RAPGEF6: variants seen among roughly 807,000 people sequenced by gnomAD.
RAPGEF6 encodes PDZ domain containing guanine nucleotide exchange factor (GEF) 2.
In RAPGEF6, 56 loss-of-function variants were observed where a neutral mutation model predicts 171.4. The observed-to-expected ratio is 0.33, with a 90% CI of 0.26 to 0.41. The LOEUF is 0.41. RAPGEF6 is among the 10% of genes least tolerant of loss of function. The pLI is 1.00. For missense variants in RAPGEF6, 1,674 were observed against 1,921.4 expected, an observed-to-expected ratio of 0.87 and a Z score of 2.41; for synonymous variants, 692 against 650.1, an observed-to-expected ratio of 1.06 and a Z score of -0.98.
chr5:131,472,462 G>T, intron 17 of RAPGEF6, 125 bp downstream of exon 17: 1 of 1,091,184 alleles, frequency 9.2e-7, no homozygotes, highest in Non-Finnish European at 1.4e-6. Context: ...TTAGTTTTTT[G>T]CATCAAGTCA....
chr5:131,576,191 T>C (rs902730035), intron 4 of RAPGEF6, among the ~76,000 whole-genome samples: 2 of 152,172 alleles, frequency 1.3e-5, no homozygotes, highest in African/African-American at 4.8e-5. Flanking sequence ...CTCTTTCCTG[T>C]TCCTAATCCA....
chr5:131,605,585 T>C (rs1382647491), intron 1 of RAPGEF6, among the ~76,000 whole-genome samples: 1 of 152,222 alleles, frequency 6.6e-6, no homozygotes, highest in Non-Finnish European at 1.5e-5. Flanking sequence ...AATGCCTTTA[T>C]ACCAGGGCAA....
intron 7 of RAPGEF6, among the ~76,000 whole-genome samples, chr5:131,519,617 G>C (rs1046846746): frequency 7.9e-5 from 12 of 152,112 alleles, no homozygotes; most frequent in Non-Finnish European, 1.3e-4. Flanking sequence ...GGTCATGCTG[G>C]TCTTGAACTC....
chr5:131,530,000 C>T (rs1580978771), intron 6 of RAPGEF6, among the ~76,000 whole-genome samples: 1 of 150,100 alleles, frequency 6.7e-6, no homozygotes, highest in Admixed American at 6.6e-5. Flanking sequence ...CTCTGCCTCC[C>T]GGATTCAAGC....
At chr5:131,574,226 TG>T (rs1762468568) in intron 4 of RAPGEF6, among the ~76,000 whole-genome samples, 3 of 152,184 alleles carry the variant, frequency 2.0e-5, no homozygotes, top group Admixed American at 2.0e-4. Flanking sequence ...GGGACCCCAC[TG>T]GAAGTCAGAT....
intron 9 of RAPGEF6, 81 bp downstream of exon 9, chr5:131,507,990 A>G (rs1757475026): frequency 7.8e-7 from 1 of 1,282,726 alleles, no homozygotes; most frequent in African/African-American, 1.5e-5. Flanking sequence ...GTACTCAAAA[A>G]TCAGGACAAA....
At chr5:131,435,440 A>G (rs1751954878) in intron 24 of RAPGEF6, among the ~76,000 whole-genome samples, 1 of 152,228 alleles carries the variant, frequency 6.6e-6, no homozygotes, top group Non-Finnish European at 1.5e-5. Flanking sequence ...ATCTTGCTTC[A>G]TTGTTTAAAA....
At chr5:131,523,793 A>AAAAC (rs138307131) in intron 6 of RAPGEF6, among the ~76,000 whole-genome samples, 116,676 of 150,884 alleles carry the variant, frequency 0.77, 45,426 homozygotes, top group Middle Eastern at 0.82. Flanking sequence ...GCAAGATAAA[A>AAAAC]AAACAAACAA....
At chr5:131,446,431 T>C in intron 22 of RAPGEF6, 52 bp downstream of exon 22, 2 of 1,496,466 alleles carry the variant, frequency 1.3e-6, no homozygotes, top group Non-Finnish European at 9.1e-7. Flanking sequence ...GAGAAATAAG[T>C]TTTTATTTTG....
chr5:131,546,252 A>AT lies in RAPGEF6; in HGVS notation c.495+1794dup, dbSNP rs568193703. 1.0e-3 allele frequency among the ~76,000 whole-genome samples: 158 copies of AT among 152,228 alleles called. 3 individuals are homozygous for AT. The South Asian group carries it at 0.033, about 31-fold the overall frequency. On this transcript the variant is annotated intron_variant, in intron 6 of 27. Coordinates refer to ENST00000509018, the MANE Select transcript of RAPGEF6 (RefSeq NM_016340.6). Reference sequence around the variant, plus strand: ...TCATTTATTAATTCTACCTCTTGACATTTTTTCTATAGAAATGAAAATGTG... The same window carrying AT: ...TCATTTATTAATTCTACCTCTTGACATTTTTTTCTATAGAAATGAAAATGTG...
At chr5:131,498,772 T>C (rs1333302895) in intron 11 of RAPGEF6, among the ~76,000 whole-genome samples, 165 bp from the exon 12 acceptor site, 1 of 152,210 alleles carries the variant, frequency 6.6e-6, no homozygotes, top group African/African-American at 2.4e-5. Context: ...GCAAACTTAA[T>C]TGTAATCCAC....
intron 5 of RAPGEF6, among the ~76,000 whole-genome samples, chr5:131,558,967 G>A (rs1287418873): frequency 6.6e-6 from 1 of 152,144 alleles, no homozygotes; most frequent in Non-Finnish European, 1.5e-5. Context: ...TGTACATGAT[G>A]AGGTTCAAAT....
chr5:131,522,568 G>A (rs1052988434), intron 6 of RAPGEF6, among the ~76,000 whole-genome samples: 1 of 152,022 alleles, frequency 6.6e-6, no homozygotes, highest in African/African-American at 2.4e-5. Context: ...TACACATAAA[G>A]TACATCACGA....
intron 4 of RAPGEF6, among the ~76,000 whole-genome samples, chr5:131,580,735 G>A (rs961827975): frequency 1.3e-4 from 20 of 152,282 alleles, no homozygotes; most frequent in East Asian, 3.9e-4. Flanking sequence ...GATTTGGGGT[G>A]CAGGACTCCT....
At chr5:131,521,352 A>C in intron 7 of RAPGEF6, 38 bp downstream of exon 7, 1 of 1,512,844 alleles carries the variant, frequency 6.6e-7, no homozygotes, top group Non-Finnish European at 8.9e-7. Flanking sequence ...GCAAATAAAA[A>C]AACCATATAC....
At chr5:131,557,659 G>A (rs2149961927) in intron 5 of RAPGEF6, among the ~76,000 whole-genome samples, 1 of 152,268 alleles carries the variant, frequency 6.6e-6, no homozygotes, top group South Asian at 2.1e-4. Context: ...GGTTTCTGCA[G>A]GTAACAATTA....
chr5:131,504,858 G>T, intron 10 of RAPGEF6, 80 bp from the exon 11 acceptor site: 2 of 1,300,438 alleles, frequency 1.5e-6, no homozygotes, highest in Non-Finnish European at 2.0e-6. Context: ...AGAGCACAAA[G>T]GTAAGAAATC....
At position 131,495,665 on chromosome 5, in the gene RAPGEF6, G is replaced by A; in HGVS notation, c.1420-5C>T. On this transcript the variant is annotated splice_polypyrimidine_tract_variant and splice_region_variant and intron_variant, in intron 12 of 27. Transcript: ENST00000509018. ...TAATAATACAATCCGTGTCACCTGT[G>A]GAAACATAAAAGAGGCAGCATATGG... 1.9e-6 allele frequency: 3 copies of A among 1,609,934 alleles called. No individual in the cohort carries two copies. The highest frequency in any genetic ancestry group is 2.5e-6 in the Non-Finnish European group (3 of 1,177,760).
Position 131,548,038 on chromosome 5 carries a change from T to C in RAPGEF6, c.495+9A>G, listed in dbSNP as rs373159741. On this transcript the variant is annotated intron_variant, in intron 6 of 27. Coordinates refer to ENST00000509018, the MANE Select transcript of RAPGEF6 (RefSeq NM_016340.6). ...GGAAGATTCATGAAGTGTTCCTAAA[T>C]ATACTCACAGAAAGATAGCTGTTAA... The C allele has an allele frequency of 6.2e-7, 1 of 1,612,704 alleles. No individual in the cohort carries two copies. Among genetic ancestry groups the C allele is most frequent in the South Asian group, 1.1e-5 (1 of 90,802 alleles).
Sources: allele counts gnomAD v4.1 joint callset (sites outside exome capture counted in the v4.1 genomes callset), GRCh38; gene constraint gnomAD v4.1.1; transcripts MANE v1.5; gene names NCBI Gene and HGNC (gene_info 2026-07-23, HGNC 2026-07-21).